DAB1: variants seen among roughly 807,000 people sequenced by gnomAD.
DAB1 encodes the protein DAB adaptor protein 1.
DAB1 carries 15 observed loss-of-function variants against 64.6 expected under a neutral mutation model. That is an observed-to-expected ratio of 0.23 (90% CI 0.16 to 0.36). The LOEUF (loss-of-function observed/expected upper bound fraction) is 0.36. Among genes scored for constraint, DAB1 ranks in the 10% least tolerant of loss-of-function variants. DAB1 has a pLI of 1.00. For missense variants in DAB1, 596 were observed against 706.7 expected (o/e 0.84, Z 1.78); for synonymous variants, 235 against 251.9 (o/e 0.93, Z 0.64).
intron 2 of DAB1, among the ~76,000 whole-genome samples, chr1:57,264,552 G>A (rs1243961843): frequency 6.6e-6 from 1 of 152,192 alleles, no homozygotes; most frequent in South Asian, 2.1e-4. Context: ...TCCTGCAGAG[G>A]CAATTATAGA....
intron 2 of DAB1, among the ~76,000 whole-genome samples, chr1:57,206,968 C>CTTTTTTTTTTTTTTTTT (rs201111039): frequency 2.5e-4 from 21 of 84,488 alleles, no homozygotes; most frequent in African/African-American, 4.4e-4. Flanking sequence ...TCCTTCCTTC[C>CTTTTTTTTTTTTTTTTT]TTTTTTTTTT....
chr1:57,229,729 C>T, intron 2 of DAB1, among the ~76,000 whole-genome samples: 1 of 152,114 alleles, frequency 6.6e-6, no homozygotes, highest in East Asian at 1.9e-4. Flanking sequence ...GACTATATGG[C>T]CATTTGAATT....
At chr1:58,345,918 G>C (rs970558360) in intron 3 of DAB1, among the ~76,000 whole-genome samples, 1 of 152,130 alleles carries the variant, frequency 6.6e-6, no homozygotes, top group Non-Finnish European at 1.5e-5. Flanking sequence ...CAATTCTATA[G>C]ATTTTTTTCT....
At chr1:57,987,387 C>T (rs901006653) in intron 5 of DAB1, among the ~76,000 whole-genome samples, 9 of 152,224 alleles carry the variant, frequency 5.9e-5, no homozygotes, top group African/African-American at 2.2e-4. Context: ...CAACCCACCA[C>T]GATGTTATGA....
chr1:57,402,401 C>T (rs1397933005), intron 1 of DAB1, among the ~76,000 whole-genome samples: 1 of 152,124 alleles, frequency 6.6e-6, no homozygotes, highest in African/African-American at 2.4e-5. Context: ...TAGCTTCATG[C>T]TTTTACAAAG....
At chr1:57,858,611 G>C (rs553317717) in intron 1 of DAB1, among the ~76,000 whole-genome samples, 1 of 151,848 alleles carries the variant, frequency 6.6e-6, no homozygotes, top group South Asian at 2.1e-4. Flanking sequence ...GTGCTTGTTA[G>C]GGGGTGGCTG....
intron 3 of DAB1, among the ~76,000 whole-genome samples, chr1:58,374,549 T>G (rs1237662718): frequency 1.3e-5 from 2 of 150,086 alleles, no homozygotes; most frequent in African/African-American, 2.5e-5. Flanking sequence ...ATCTCTGTTT[T>G]GGTACCAGTA....
intron 6 of DAB1, among the ~76,000 whole-genome samples, chr1:57,765,151 T>C (rs1035540760): frequency 6.6e-6 from 1 of 152,104 alleles, no homozygotes; most frequent in Non-Finnish European, 1.5e-5. Flanking sequence ...CTATGAACCA[T>C]GAAGAAGAAA....
intron 1 of DAB1, among the ~76,000 whole-genome samples, chr1:57,365,533 A>G (rs1218084726): frequency 6.6e-6 from 1 of 151,908 alleles, no homozygotes; most frequent in East Asian, 1.9e-4. Context: ...GGACTGCTAT[A>G]TTCCAACCAA....
chr1:57,979,211 C>T (rs1402684640), intron 5 of DAB1, among the ~76,000 whole-genome samples: 1 of 152,192 alleles, frequency 6.6e-6, no homozygotes, highest in Non-Finnish European at 1.5e-5. Flanking sequence ...GGCACATATA[C>T]ACCATGGAAT....
chr1:57,790,219 G>A (rs1181710238), intron 6 of DAB1, among the ~76,000 whole-genome samples: 3 of 152,176 alleles, frequency 2.0e-5, no homozygotes, highest in Non-Finnish European at 4.4e-5. Context: ...GACCTAGCAG[G>A]AGGCAACTGA....
At chr1:57,394,848 G>A (rs2101012952) in intron 1 of DAB1, among the ~76,000 whole-genome samples, 1 of 152,080 alleles carries the variant, frequency 6.6e-6, no homozygotes, top group African/African-American at 2.4e-5. Flanking sequence ...AACCTTTATG[G>A]GTCTGATTTT....
intron 4 of DAB1, among the ~76,000 whole-genome samples, chr1:58,324,096 A>C (rs779984918): frequency 1.3e-4 from 20 of 152,162 alleles, no homozygotes; most frequent in Non-Finnish European, 2.5e-4. Context: ...CAGGGAGCTC[A>C]GAGGTAATCT....
At chr1:57,661,994 A>G (rs553711877) in intron 6 of DAB1, among the ~76,000 whole-genome samples, 1 of 152,160 alleles carries the variant, frequency 6.6e-6, no homozygotes, top group African/African-American at 2.4e-5. Flanking sequence ...TAAAGATAAA[A>G]TATCCTGAGG....
chr1:57,067,569 C>T (rs562330304), intron 8 of DAB1, among the ~76,000 whole-genome samples: 2 of 152,244 alleles, frequency 1.3e-5, no homozygotes, highest in African/African-American at 4.8e-5. Flanking sequence ...CGCAAATTTT[C>T]CCACCTCCAC....
chr1:57,513,457 T>C (rs893634463), intron 7 of DAB1, among the ~76,000 whole-genome samples: 1 of 152,166 alleles, frequency 6.6e-6, no homozygotes, highest in Non-Finnish European at 1.5e-5. Context: ...CTGCCATCAA[T>C]CTTATTATTA....
At chr1:57,548,452 G>A (rs1409091897) in intron 7 of DAB1, among the ~76,000 whole-genome samples, 1 of 151,776 alleles carries the variant, frequency 6.6e-6, no homozygotes, top group Middle Eastern at 3.2e-3. Context: ...ACCAACAGAG[G>A]TTTTTGTATA....
chr1:57,652,707 A>G (rs79186924), intron 6 of DAB1, among the ~76,000 whole-genome samples: 1 of 152,026 alleles, frequency 6.6e-6, no homozygotes, highest in Non-Finnish European at 1.5e-5. Flanking sequence ...GTAAATTTTG[A>G]TCTTTTTAAA....
intron 9 of DAB1, among the ~76,000 whole-genome samples, chr1:57,054,816 T>C (rs1384939739): frequency 1.3e-5 from 2 of 152,144 alleles, no homozygotes; most frequent in Admixed American, 6.5e-5. Context: ...AAAGTCAAGA[T>C]ATCTGCCTAA....
Sources: allele counts gnomAD v4.1 joint callset (sites outside exome capture counted in the v4.1 genomes callset), GRCh38; gene constraint gnomAD v4.1.1; transcripts MANE v1.5; gene names NCBI Gene and HGNC (gene_info 2026-07-23, HGNC 2026-07-21).